The following MINAR1 variants were observed in gnomAD, a reference collection of about 807,000 sequenced individuals.
The protein encoded by MINAR1 is membrane integral NOTCH2 associated receptor 1.
In MINAR1, 40 loss-of-function variants were observed where a neutral mutation model predicts 65.1. That is an observed-to-expected ratio of 0.61 (90% CI 0.48 to 0.80). MINAR1 has a LOEUF of 0.80. MINAR1 is among the 30% of genes least tolerant of loss of function. MINAR1 has a pLI of 0.00. For synonymous variants in MINAR1, 482 were observed against 449.1 expected (o/e 1.07, Z -0.93); for missense variants, 1,128 against 1,148.0 (o/e 0.98, Z 0.25).
chr15:79,411,475 G>A, the MINAR1 span: 18 of 702,392 alleles, frequency 2.6e-5, no homozygotes, highest in African/African-American at 5.2e-5. Context: ...ACCTGCCACC[G>A]AGGGACTGGG....
intron 3 of MINAR1, among the ~76,000 whole-genome samples, chr15:79,465,144 GGA>G (rs1450200395): frequency 6.6e-6 from 1 of 152,198 alleles, no homozygotes; most frequent in Admixed American, 6.5e-5. Context: ...AAAATCCAAA[GGA>G]GAGAGTATCC....
chr15:79,469,531 A>G lies in MINAR1; in HGVS notation c.*1147A>G, dbSNP rs993077757. ...AAAAATATTATCTGTTTAACCACTT[A>G]TCTATATGTCTATCTATCTATCTAT... On this transcript the variant is annotated 3_prime_UTR_variant, in exon 4 of 4. Coordinates refer to ENST00000305428, the MANE Select transcript of MINAR1 (RefSeq NM_015206.3). The G allele has an allele frequency of 6.6e-6, 1 of 151,606 alleles. No individual in the cohort carries two copies. Among genetic ancestry groups the G allele is most frequent in the Admixed American group, 6.6e-5 (1 of 15,230 alleles). The allele number at this position is 151,606 out of a possible 1,614,324, so 9.4% of individuals were successfully genotyped here.
At chr15:79,442,050 CTTTTTT>C (rs57139012) in intron 1 of MINAR1, among the ~76,000 whole-genome samples, 1 of 139,750 alleles carries the variant, frequency 7.2e-6, no homozygotes, top group Non-Finnish European at 1.6e-5. Context: ...GGTTTTTTTA[CTTTTTT>C]TTTTTACTGT....
intron 1 of MINAR1, among the ~76,000 whole-genome samples, chr15:79,452,048 ATGTG>A (rs1018655379): frequency 2.0e-5 from 3 of 151,970 alleles, no homozygotes; most frequent in African/African-American, 4.8e-5. Flanking sequence ...GTGTTTGTGA[ATGTG>A]TGTGTGTGCA....
At chr15:79,412,123 C>A in the MINAR1 span, 1 of 151,016 alleles carries the variant, frequency 6.6e-6, no homozygotes, top group Non-Finnish European at 1.5e-5. Context: ...CTACCCAAAG[C>A]AGAAAGCTCC....
At chr15:79,444,383 A>T (rs1894952487) in intron 1 of MINAR1, among the ~76,000 whole-genome samples, 1 of 152,084 alleles carries the variant, frequency 6.6e-6, no homozygotes, top group Admixed American at 6.6e-5. Context: ...TATTTCAAAG[A>T]AATCATTTAG....
the MINAR1 span, chr15:79,421,632 T>G: frequency 6.6e-6 from 1 of 152,106 alleles, no homozygotes; most frequent in African/African-American, 2.4e-5. Flanking sequence ...CTCTTAGAAA[T>G]GGTCTCCAAA....
Position 79,458,141 on chromosome 15 carries a change from A to G in MINAR1, c.1994A>G (p.His665Arg), listed in dbSNP as rs1349898304. The G allele has an allele frequency of 8.7e-6, 14 of 1,614,018 alleles. No individual in the cohort carries two copies. Among genetic ancestry groups the G allele is most frequent in the African/African-American group, 1.3e-5 (1 of 74,906 alleles). The stretch of plus-strand genomic sequence containing the variant: ...GACAGTGCCTCTCCCCGGATGTTCC[A>G]CGCACACAGTGGCTCCCACGGACCC... Reference protein sequence around the residue: ...SDDSASPRMFHAHSGSHGPKL... With the variant: ...SDDSASPRMFRAHSGSHGPKL... Residue 665 changes from histidine (H) to arginine (R), a missense_variant, in exon 2 of 4, where the codon CAC becomes CGC. By Grantham distance (29) the His-to-Arg change is conservative. Coordinates refer to ENST00000305428, the MANE Select transcript of MINAR1 (RefSeq NM_015206.3).
intron 2 of MINAR1, among the ~76,000 whole-genome samples, chr15:79,462,724 C>A (rs999382332): frequency 6.6e-6 from 1 of 152,218 alleles, no homozygotes; most frequent in Non-Finnish European, 1.5e-5. Context: ...AATCCTAGCT[C>A]CACCCCTTAC....
intron 2 of MINAR1, among the ~76,000 whole-genome samples, chr15:79,462,318 A>G (rs1202403124): frequency 6.6e-6 from 1 of 152,184 alleles, no homozygotes; most frequent in Non-Finnish European, 1.5e-5. Flanking sequence ...AGGTCACATA[A>G]TGAGCACTAA....
chr15:79,431,672 C>T (rs950351152), upstream of MINAR1, among the ~76,000 whole-genome samples: 1 of 152,230 alleles, frequency 6.6e-6, no homozygotes, highest in African/African-American at 2.4e-5. Flanking sequence ...CCGAGTGCTC[C>T]CTGGGAAGAG....
At chr15:79,439,509 C>T (rs1346558236) in intron 1 of MINAR1, among the ~76,000 whole-genome samples, 3 of 151,426 alleles carry the variant, frequency 2.0e-5, no homozygotes, top group African/African-American at 4.9e-5. Flanking sequence ...AGGGAATGTT[C>T]TCTGTGTTGT....
At chr15:79,432,183 G>C (rs1340854917), upstream of MINAR1, among the ~76,000 whole-genome samples, 1 of 152,068 alleles carries the variant, frequency 6.6e-6, no homozygotes, top group Non-Finnish European at 1.5e-5. Context: ...GCCGCGTCCC[G>C]GGGCCGCTGG....
intron 1 of MINAR1, among the ~76,000 whole-genome samples, chr15:79,435,049 T>A (rs920244313): frequency 6.6e-6 from 1 of 152,096 alleles, no homozygotes; most frequent in Non-Finnish European, 1.5e-5. Context: ...CCGAAGCGGG[T>A]GGATCACCTG....
the MINAR1 span, chr15:79,411,498 C>G: frequency 1.0e-5 from 7 of 702,314 alleles, no homozygotes; most frequent in Admixed American, 1.4e-4. Flanking sequence ...GACTGGCACC[C>G]TCCTAACAGA....
chr15:79,448,659 A>C (rs16970938), intron 1 of MINAR1, among the ~76,000 whole-genome samples: 8,423 of 152,284 alleles, frequency 0.055, 246 homozygotes, highest in Middle Eastern at 0.071. Flanking sequence ...CAGTTTTTGA[A>C]AGATCAATAT....
intron 1 of MINAR1, among the ~76,000 whole-genome samples, chr15:79,442,091 G>A (rs1894886558): frequency 1.3e-5 from 2 of 149,350 alleles, no homozygotes; most frequent in Non-Finnish European, 1.5e-5. Flanking sequence ...TACTGACATG[G>A]TAAGCAATTT....
At chr15:79,436,591 G>A (rs184599710) in intron 1 of MINAR1, among the ~76,000 whole-genome samples, 3 of 152,340 alleles carry the variant, frequency 2.0e-5, no homozygotes, top group Admixed American at 2.0e-4. Flanking sequence ...TGAAAGCCAG[G>A]GGAGTTGGTG....
In MINAR1 at chr15:79,457,512, T is replaced by TA; in HGVS notation, c.1368dup (p.Asp457ArgfsTer5). 6.2e-7 allele frequency: 1 copy of TA among 1,614,174 alleles called. No individual in the cohort carries two copies. Among genetic ancestry groups the TA allele is most frequent in the African/African-American group, 1.3e-5 (1 of 75,020 alleles). On this transcript the variant is annotated frameshift_variant, in exon 2 of 4. Coordinates refer to ENST00000305428, the MANE Select transcript of MINAR1 (RefSeq NM_015206.3). LOFTEE classifies it high-confidence loss of function. ...AGAAGCATGAACCAGTCAAAAAGTT[T>TA]AAAGACAAGAGCATTAACTGCACCA... is the stretch of plus-strand genomic sequence containing the variant.
Sources: allele counts gnomAD v4.1 joint callset (sites outside exome capture counted in the v4.1 genomes callset), GRCh38; gene constraint gnomAD v4.1.1; transcripts MANE v1.5; gene names NCBI Gene and HGNC (gene_info 2026-07-23, HGNC 2026-07-21).